Variants in CNTNAP2 observed in about 807,000 individuals in gnomAD.
The protein encoded by CNTNAP2 is contactin-associated protein-like 2.
In CNTNAP2, 98 loss-of-function variants were observed where a neutral mutation model predicts 155.2. The observed-to-expected ratio is 0.63, with a 90% CI of 0.54 to 0.75. CNTNAP2 has a LOEUF of 0.75. Among genes scored for constraint, CNTNAP2 ranks in the 30% least tolerant of loss-of-function variants. CNTNAP2 has a pLI of 0.00. For missense variants in CNTNAP2, 1,727 were observed against 1,688.1 expected, an observed-to-expected ratio of 1.02 and a Z score of -0.40; for synonymous variants, 651 against 631.2, an observed-to-expected ratio of 1.03 and a Z score of -0.47.
At chr7:147,424,653 C>G (rs1256924359) in intron 10 of CNTNAP2, among the ~76,000 whole-genome samples, 1 of 152,168 alleles carries the variant, frequency 6.6e-6, no homozygotes, top group African/African-American at 2.4e-5. Context: ...ATCTCTCTAG[C>G]TATATCCTCT....
chr7:146,843,961 T>G, intron 3 of CNTNAP2, among the ~76,000 whole-genome samples: 1 of 152,118 alleles, frequency 6.6e-6, no homozygotes, highest in East Asian at 1.9e-4. Context: ...ACCTGAGAAA[T>G]ATAGAAGATA....
At chr7:148,049,718 T>C (rs1321977246) in intron 15 of CNTNAP2, among the ~76,000 whole-genome samples, 1 of 152,244 alleles carries the variant, frequency 6.6e-6, no homozygotes, top group Non-Finnish European at 1.5e-5. Context: ...CCTACTGCAC[T>C]GCCAGGCATA....
chr7:147,773,301 AAGGAT>A (rs1159761738), intron 13 of CNTNAP2, among the ~76,000 whole-genome samples: 1 of 152,110 alleles, frequency 6.6e-6, no homozygotes, highest in Non-Finnish European at 1.5e-5. Context: ...ACACTTAGAA[AAGGAT>A]AGAAGTCTTG....
intron 1 of CNTNAP2, among the ~76,000 whole-genome samples, chr7:146,473,750 GTTTTTCCCCCCA>G (rs1412676321): frequency 6.8e-6 from 1 of 146,652 alleles, no homozygotes; most frequent in African/African-American, 2.6e-5. Context: ...TATTTTGTAT[GTTTTTCCCCCCA>G]TTTTTCTATT....
chr7:147,139,638 G>T (rs1002419385), intron 8 of CNTNAP2, among the ~76,000 whole-genome samples: 4 of 151,996 alleles, frequency 2.6e-5, no homozygotes, highest in Non-Finnish European at 4.4e-5. Flanking sequence ...AATTTGGGAA[G>T]AATGTAGGCT....
At chr7:147,098,821 G>A (rs963154830) in intron 4 of CNTNAP2, among the ~76,000 whole-genome samples, 6 of 152,116 alleles carry the variant, frequency 3.9e-5, no homozygotes, top group South Asian at 2.1e-4. Flanking sequence ...TTATTGATAC[G>A]ATATTTATAA....
At chr7:147,169,536 G>A (rs1331754483) in intron 8 of CNTNAP2, among the ~76,000 whole-genome samples, 1 of 151,550 alleles carries the variant, frequency 6.6e-6, no homozygotes, top group East Asian at 1.9e-4. Flanking sequence ...GCGGTATTTG[G>A]TTTTCTTTTC....
At chr7:146,723,668 AT>A (rs1470368106) in intron 1 of CNTNAP2, among the ~76,000 whole-genome samples, 1 of 152,220 alleles carries the variant, frequency 6.6e-6, no homozygotes. Context: ...AATTAGCTAA[AT>A]GGTCAATGCA....
chr7:147,886,128 C>G (rs914423478), intron 13 of CNTNAP2, among the ~76,000 whole-genome samples: 7 of 152,166 alleles, frequency 4.6e-5, no homozygotes, highest in African/African-American at 1.7e-4. Context: ...ATTCCACAGA[C>G]TGTCCCATGC....
At chr7:147,491,761 A>C (rs1219977060) in intron 11 of CNTNAP2, among the ~76,000 whole-genome samples, 1 of 152,218 alleles carries the variant, frequency 6.6e-6, no homozygotes, top group Non-Finnish European at 1.5e-5. Flanking sequence ...ATAAGGAGAG[A>C]GTACACTTAC....
At chr7:147,395,956 T>C (rs116178402) in intron 10 of CNTNAP2, among the ~76,000 whole-genome samples, 176 bp downstream of exon 10, 1 of 150,574 alleles carries the variant, frequency 6.6e-6, no homozygotes, top group South Asian at 2.1e-4. Context: ...ATTATGTTTA[T>C]GTTTTTATGT....
chr7:147,261,497 G>A lies in CNTNAP2; in HGVS notation c.1349-38644G>A, dbSNP rs143379685. Among the ~76,000 whole-genome samples the A allele has an allele frequency of 8.8e-3, 1,342 of 151,900 alleles. 18 individuals carry two copies. The highest frequency in any genetic ancestry group is 0.03 in the African/African-American group (1,261 of 41,356). On this transcript the variant is annotated intron_variant, in intron 8 of 23. Transcript: ENST00000361727. ...CAGCCAGTGCTGGTACCAATATTTG[G>A]AAGCTCTAGAGAGAAAACCTCTCGG... is the stretch of plus-strand genomic sequence containing the variant.
chr7:146,646,966 A>G (rs1030829774), intron 1 of CNTNAP2, among the ~76,000 whole-genome samples: 2 of 152,196 alleles, frequency 1.3e-5, no homozygotes, highest in South Asian at 2.1e-4. Flanking sequence ...GAGAGAAACA[A>G]TGGGCAATGA....
intron 10 of CNTNAP2, among the ~76,000 whole-genome samples, chr7:147,444,473 T>G (rs921590475): frequency 2.6e-5 from 4 of 151,978 alleles, no homozygotes; most frequent in African/African-American, 9.7e-5. Flanking sequence ...AAGAAAAATT[T>G]TGTTTGCTTT....
intron 1 of CNTNAP2, among the ~76,000 whole-genome samples, chr7:146,276,182 T>G (rs756701376): frequency 5.3e-5 from 8 of 152,210 alleles, no homozygotes; most frequent in Non-Finnish European, 1.0e-4. Context: ...CTGATGAATA[T>G]ATTTACTCCC....
At position 148,414,113 on chromosome 7, in the gene CNTNAP2, C is replaced by T. The variant is rs1383900455; in HGVS notation, c.3797-1304C>T. Among the ~76,000 whole-genome samples, 7 of 76,244 alleles carry T rather than the reference C, an allele frequency of 9.2e-5. No homozygotes were observed. The South Asian group carries it at 2.1e-3, about 23-fold the overall frequency. 50.0% of individuals were successfully genotyped at this position (76,244 alleles called of 152,430 possible). The stretch of plus-strand genomic sequence containing the variant: ...TTTAGACAGAGTCCCCCCCCCCCCC[C>T]TCACACAAGCTGGAGTGCAGTGGCA... On this transcript the variant is annotated intron_variant, in intron 23 of 23. Transcript: ENST00000361727.
At chr7:148,357,340 T>A (rs1298379278) in intron 21 of CNTNAP2, among the ~76,000 whole-genome samples, 2 of 152,228 alleles carry the variant, frequency 1.3e-5, no homozygotes, top group African/African-American at 4.8e-5. Flanking sequence ...TGTGGAACTG[T>A]GAGTCCATTA....
intron 8 of CNTNAP2, among the ~76,000 whole-genome samples, chr7:147,212,962 T>G (rs1179150239): frequency 6.6e-6 from 1 of 152,076 alleles, no homozygotes; most frequent in Non-Finnish European, 1.5e-5. Context: ...TCTGAGACAT[T>G]TAAATTTTGT....
At chr7:148,205,696 C>T (rs1213517323) in intron 18 of CNTNAP2, among the ~76,000 whole-genome samples, 1 of 152,148 alleles carries the variant, frequency 6.6e-6, no homozygotes, top group Admixed American at 6.5e-5. Context: ...CACAAAAGAA[C>T]CCTGAAATTT....
Sources: gnomAD v4.1 joint callset for allele counts (sites outside exome capture counted in the v4.1 genomes callset) on GRCh38, gnomAD v4.1.1 for gene constraint, MANE v1.5 for transcripts, NCBI Gene and HGNC (gene_info 2026-07-23, HGNC 2026-07-21) for gene names.